Variants in NCEH1 observed in about 807,000 individuals in gnomAD.
NCEH1 encodes the protein 2-acetyl MAGE hydrolase.
In NCEH1, 9 loss-of-function variants were observed where a neutral mutation model predicts 25.4. The ratio of observed to expected loss-of-function variants is 0.35; its 90% CI spans 0.21 to 0.62. NCEH1 has a LOEUF of 0.62. Among genes scored for constraint, NCEH1 ranks in the 20% least tolerant of loss-of-function variants. The probability of loss-of-function intolerance (pLI) is 0.72; values close to 1 mark genes in which losing one functional copy is unlikely to be tolerated. For missense variants in NCEH1, 412 were observed against 501.1 expected (o/e 0.82, Z 1.70); for synonymous variants, 200 against 199.8 (o/e 1.00, Z -0.01).
chr3:172,679,477 T>C lies in NCEH1; in HGVS notation c.139-31363A>G, dbSNP rs75684885. On this transcript the variant is annotated intron_variant, in intron 1 of 4. Coordinates refer to ENST00000475381, the MANE Select transcript of NCEH1 (RefSeq NM_020792.6). ...GACCTTTTATAGTCTCCAATGTCTA[T>C]AATATTCCATTCTGTATGTACCGCA... 2.2e-3 allele frequency among the ~76,000 whole-genome samples: 340 copies of C among 152,286 alleles called. 1 individual carries two copies. The highest frequency in any genetic ancestry group is 4.4e-3 in the Non-Finnish European group (299 of 68,020).
At chr3:172,699,860 T>C (rs1315785859) in intron 1 of NCEH1, among the ~76,000 whole-genome samples, 1 of 152,060 alleles carries the variant, frequency 6.6e-6, no homozygotes, top group Non-Finnish European at 1.5e-5. Context: ...ACACCCTGTC[T>C]CAAAACAAAG....
At chr3:172,677,297 G>A (rs929912644) in intron 1 of NCEH1, among the ~76,000 whole-genome samples, 2 of 152,070 alleles carry the variant, frequency 1.3e-5, no homozygotes, top group South Asian at 4.1e-4. Flanking sequence ...GTCTTAAATG[G>A]CACATAAACA....
intron 1 of NCEH1, among the ~76,000 whole-genome samples, chr3:172,683,228 C>CT (rs534547348): frequency 2.6e-4 from 31 of 119,864 alleles, no homozygotes; most frequent in Middle Eastern, 3.6e-3. Context: ...ACGGTGAAAC[C>CT]CCGTCTCTAC....
chr3:172,702,153 C>T (rs114514527), intron 1 of NCEH1, among the ~76,000 whole-genome samples: 2 of 152,206 alleles, frequency 1.3e-5, no homozygotes, highest in South Asian at 2.1e-4. Flanking sequence ...CTCGTATAAA[C>T]GGTGTCATCT....
intron 1 of NCEH1, among the ~76,000 whole-genome samples, chr3:172,700,560 G>A (rs1713623275): frequency 6.6e-6 from 1 of 152,154 alleles, no homozygotes; most frequent in South Asian, 2.1e-4. Flanking sequence ...CTGTCACCCA[G>A]GCTAGAGTGT....
chr3:172,690,315 A>C (rs969341165), intron 1 of NCEH1, among the ~76,000 whole-genome samples: 2 of 152,218 alleles, frequency 1.3e-5, no homozygotes, highest in Non-Finnish European at 2.9e-5. Context: ...ATATGCAATA[A>C]ATATTCATTG....
intron 4 of NCEH1, among the ~76,000 whole-genome samples, chr3:172,634,582 C>T (rs1425707486): frequency 1.3e-5 from 2 of 152,094 alleles, no homozygotes; most frequent in African/African-American, 4.8e-5. Flanking sequence ...AGCATCTTCA[C>T]GCTTGGTGAG....
rs1396224986 is a variant in NCEH1, at chr3:172,686,941, A to G, written c.138+23906T>C. Among the ~76,000 whole-genome samples, 3 of 152,126 alleles carry G rather than the reference A, an allele frequency of 2.0e-5. No homozygotes were observed. The East Asian group carries it at 5.8e-4, about 29-fold the overall frequency. ...AGGACTAACATGTAGGAGTTTTAAG[A>G]AAGTGGAAAACATGCTTTGCCTAAA... On this transcript the variant is annotated intron_variant, in intron 1 of 4. Coordinates refer to ENST00000475381, the MANE Select transcript of NCEH1 (RefSeq NM_020792.6).
Position 172,632,435 on chromosome 3 carries a change from AAAAT to A in NCEH1, c.*1036_*1039del, listed in dbSNP as rs1362052416. On this transcript the variant is annotated 3_prime_UTR_variant, in exon 5 of 5. Transcript: ENST00000475381. ...GTATATTAACATTAAATAACTTAAA[AAAAT>A]AAACAATACATTATATTGTAGCAAA... The A allele has an allele frequency of 1.3e-5, 2 of 152,542 alleles. No homozygotes were observed. The highest frequency in any genetic ancestry group is 2.9e-5 in the Non-Finnish European group (2 of 68,022). The allele number at this position is 152,542 out of a possible 1,614,324, so 9.4% of individuals were successfully genotyped here.
At chr3:172,706,808 G>A (rs947389099) in intron 1 of NCEH1, among the ~76,000 whole-genome samples, 4 of 151,846 alleles carry the variant, frequency 2.6e-5, no homozygotes, top group African/African-American at 7.3e-5. Context: ...ACCTTCATTC[G>A]TTTAAATGGT....
At chr3:172,699,561 C>G (rs1713568768) in intron 1 of NCEH1, among the ~76,000 whole-genome samples, 1 of 152,184 alleles carries the variant, frequency 6.6e-6, no homozygotes, top group Non-Finnish European at 1.5e-5. Flanking sequence ...GAGAATCACT[C>G]TGGTTTAAAA....
At chr3:172,664,130 A>C (rs535453072) in intron 1 of NCEH1, among the ~76,000 whole-genome samples, 2 of 152,286 alleles carry the variant, frequency 1.3e-5, no homozygotes, top group East Asian at 3.9e-4. Flanking sequence ...TGCTTCCTTC[A>C]GGAGCTCTTG....
chr3:172,671,650 TACAC>T (rs57487607), intron 1 of NCEH1, among the ~76,000 whole-genome samples: 21,037 of 151,286 alleles, frequency 0.14, 1,650 homozygotes, highest in East Asian at 0.2. Context: ...TATATATACA[TACAC>T]ACATGCACAC....
chr3:172,648,187 C>CT, intron 1 of NCEH1, 73 bp from the exon 2 acceptor site: 1 of 1,551,804 alleles, frequency 6.4e-7, no homozygotes, highest in Middle Eastern at 2.0e-4. Context: ...CCCTCACCAA[C>CT]TGAGTGTCTG....
At chr3:172,638,367 C>A (rs1257683860) in intron 3 of NCEH1, among the ~76,000 whole-genome samples, 1 of 146,246 alleles carries the variant, frequency 6.8e-6, no homozygotes, top group Non-Finnish European at 1.5e-5. Flanking sequence ...ATTTTTCCAT[C>A]TGGGGTGGTC....
At chr3:172,658,512 C>T (rs529404120) in intron 1 of NCEH1, among the ~76,000 whole-genome samples, 13 of 152,148 alleles carry the variant, frequency 8.5e-5, no homozygotes, top group African/African-American at 2.4e-4. Context: ...AAGTATTGGA[C>T]GGAATTATTA....
At chr3:172,636,141 T>C in intron 3 of NCEH1, 54 bp from the exon 4 acceptor site, 1 of 1,311,326 alleles carries the variant, frequency 7.6e-7, no homozygotes, top group Non-Finnish European at 1.1e-6. Context: ...TTGGGGGACA[T>C]TTAAAGTTTA....
intron 1 of NCEH1, among the ~76,000 whole-genome samples, chr3:172,663,663 T>C (rs940923443): frequency 3.3e-5 from 5 of 152,206 alleles, no homozygotes; most frequent in Admixed American, 2.0e-4. Context: ...GGTGCATATA[T>C]ATTTAGGATA....
At chr3:172,639,583 A>G (rs1716755995) in intron 3 of NCEH1, among the ~76,000 whole-genome samples, 1 of 152,162 alleles carries the variant, frequency 6.6e-6, no homozygotes, top group Admixed American at 6.5e-5. Context: ...TCAATATTTA[A>G]AAACTGCAGA....
Sources: allele counts gnomAD v4.1 joint callset (sites outside exome capture counted in the v4.1 genomes callset), GRCh38; gene constraint gnomAD v4.1.1; transcripts MANE v1.5; gene names NCBI Gene and HGNC (gene_info 2026-07-23, HGNC 2026-07-21).